The following EXOC1 variants were observed in gnomAD, a reference collection of about 807,000 sequenced individuals.
EXOC1 encodes SEC3-like 1.
Under a neutral mutation model 107.7 loss-of-function variants are expected in EXOC1, and 67 were observed. The observed-to-expected ratio is 0.62, with a 90% CI of 0.51 to 0.76. The LOEUF is 0.76. Among genes scored for constraint, EXOC1 ranks in the 30% least tolerant of loss-of-function variants. EXOC1 has a pLI of 0.00. For missense variants in EXOC1, 833 were observed against 1,055.7 expected, an observed-to-expected ratio of 0.79 and a Z score of 2.92; for synonymous variants, 348 against 353.5, an observed-to-expected ratio of 0.98 and a Z score of 0.17.
intron 10 of EXOC1, among the ~76,000 whole-genome samples, chr4:55,885,934 A>G (rs1288536329): frequency 6.6e-6 from 1 of 152,180 alleles, no homozygotes; most frequent in South Asian, 2.1e-4. Flanking sequence ...AATTTTTCAT[A>G]CTGTAGACTG....
intron 10 of EXOC1, among the ~76,000 whole-genome samples, chr4:55,885,866 A>G (rs1723824484): frequency 2.0e-5 from 3 of 152,186 alleles, no homozygotes; most frequent in Admixed American, 2.0e-4. Flanking sequence ...TCTAAATAAG[A>G]TATAGTGTAC....
At chr4:55,904,317 C>A in intron 18 of EXOC1, 26 bp from the exon 19 acceptor site, 1 of 1,565,530 alleles carries the variant, frequency 6.4e-7, no homozygotes, top group Non-Finnish European at 8.6e-7. Flanking sequence ...CATTCATAGC[C>A]TAATGACTTT....
At chr4:55,888,801 T>G (rs1284265841) in intron 10 of EXOC1, 87 bp from the exon 11 acceptor site, 4 of 1,377,060 alleles carry the variant, frequency 2.9e-6, no homozygotes, top group Non-Finnish European at 4.1e-6. Flanking sequence ...AAACTAGAGC[T>G]TTAACTTCCT....
At position 55,871,314 on chromosome 4, in the gene EXOC1, A is replaced by T. The variant is rs528313596; in HGVS notation, c.964+81A>T. 3 of 1,495,318 alleles carry T rather than the reference A, an allele frequency of 2.0e-6. No individual in the cohort carries two copies. The East Asian group carries it at 6.9e-5, about 35-fold the overall frequency. 92.6% of individuals were successfully genotyped at this position (1,495,318 alleles called of 1,614,324 possible). ...ACTTGTTATAAAGGTTTTGACAAGA[A>T]ATACATGAGACAAGTGGTTTAAGGG... On this transcript the variant is annotated intron_variant, in intron 7 of 18. Transcript: ENST00000381295.
At chr4:55,894,161 C>A (rs1305261129) in intron 15 of EXOC1, among the ~76,000 whole-genome samples, 1 of 152,046 alleles carries the variant, frequency 6.6e-6, no homozygotes, top group Non-Finnish European at 1.5e-5. Context: ...CCCATCTCTA[C>A]CAAAAATACA....
rs757648831 is a variant in EXOC1 at position 55,896,889 on chromosome 4, T to TG, written c.2126_2127insG (p.Phe710IlefsTer3). 2 of 1,589,204 alleles carry TG rather than the reference T, an allele frequency of 1.3e-6. No individual in the cohort carries two copies. Among genetic ancestry groups the TG allele is most frequent in the Non-Finnish European group, 1.7e-6 (2 of 1,172,818 alleles). On this transcript the variant is annotated frameshift_variant, in exon 16 of 19. Coordinates refer to ENST00000381295, the MANE Select transcript of EXOC1 (RefSeq NM_001024924.2). LOFTEE classifies it high-confidence loss of function. ...GCATACACCAAACTTATCAGAGGAG[T>TG]ATTTGTTAATGGTAAGCTTTTGTTA...
rs1721767647 is a variant in EXOC1, at chr4:55,864,398, T to TA, written c.415+17dup. 5.0e-6 allele frequency: 8 copies of TA among 1,585,658 alleles called. No homozygotes were observed. The highest frequency in any genetic ancestry group is 6.9e-6 in the Non-Finnish European group (8 of 1,165,016). On this transcript the variant is annotated intron_variant, in intron 4 of 18. Transcript: ENST00000381295. ...ACAGCTTTTGGAAGGTAAAGTTAAA[T>TA]AAAAATGTATATGTAAAATCAATTA...
intron 5 of EXOC1, among the ~76,000 whole-genome samples, chr4:55,870,393 A>C (rs1475123510): frequency 6.6e-6 from 1 of 152,232 alleles, no homozygotes; most frequent in African/African-American, 2.4e-5. Context: ...TTACTTGTGC[A>C]TTCTGGAACC....
Position 55,870,777 on chromosome 4 carries a change from C to T in EXOC1, c.703C>T (p.Leu235=), listed in dbSNP as rs752186950. ...GGAGGTAGATCAGATTGAATTGAAACTGAGCAGTTATGAGGAAATGCTCCA... is the reference window on the plus strand; with the variant it reads ...GGAGGTAGATCAGATTGAATTGAAATTGAGCAGTTATGAGGAAATGCTCCA... ...LKEVDQIELK[L]SSYEEMLQSV... Residue 235 remains leucine, a synonymous_variant, in exon 6 of 19, where the codon CTG becomes TTG. Coordinates refer to ENST00000381295, the MANE Select transcript of EXOC1 (RefSeq NM_001024924.2). 6.2e-7 allele frequency: 1 copy of T among 1,613,710 alleles called. No individual in the cohort carries two copies. The highest frequency in any genetic ancestry group is 1.3e-5 in the African/African-American group (1 of 74,878).
At chr4:55,862,043 G>A (rs143284662) in intron 3 of EXOC1, among the ~76,000 whole-genome samples, 1,696 of 151,422 alleles carry the variant, frequency 0.011, 15 homozygotes, top group Middle Eastern at 0.02. Flanking sequence ...AACAGAGTGA[G>A]ACTCTGTCTC....
intron 9 of EXOC1, among the ~76,000 whole-genome samples, chr4:55,879,848 T>C (rs1437729731): frequency 5.9e-5 from 9 of 152,326 alleles, no homozygotes; most frequent in South Asian, 4.1e-4. Context: ...TTTTTGTGAA[T>C]ATGAAGTTTA....
intron 3 of EXOC1, among the ~76,000 whole-genome samples, chr4:55,863,115 G>A (rs1721629523): frequency 6.6e-6 from 1 of 152,062 alleles, no homozygotes; most frequent in African/African-American, 2.4e-5. Flanking sequence ...GCCCAGGCCA[G>A]TCTCAAATTC....
intron 10 of EXOC1, 140 bp from the exon 11 acceptor site, chr4:55,888,748 C>T (rs1378786551): frequency 7.7e-6 from 6 of 775,500 alleles, no homozygotes; most frequent in Non-Finnish European, 1.3e-5. Context: ...TGTGTTTGCA[C>T]TTCTTGTTAC....
chr4:55,870,111 C>T (rs1023517150), intron 5 of EXOC1, among the ~76,000 whole-genome samples: 6 of 152,088 alleles, frequency 3.9e-5, no homozygotes, highest in Non-Finnish European at 8.8e-5. Flanking sequence ...AAGGAGCTAT[C>T]GGCCGTATGC....
intron 8 of EXOC1, 48 bp downstream of exon 8, chr4:55,872,006 A>T: frequency 6.6e-7 from 1 of 1,511,530 alleles, no homozygotes; most frequent in Non-Finnish European, 9.1e-7. Flanking sequence ...TAGCTTATTT[A>T]TGTATTAACC....
At chr4:55,876,612 C>T in intron 8 of EXOC1, 1 of 985,264 alleles carries the variant, frequency 1.0e-6, no homozygotes, top group Non-Finnish European at 1.2e-6. Flanking sequence ...TGTATAACAT[C>T]TGTGGTAGCT....
intron 10 of EXOC1, among the ~76,000 whole-genome samples, chr4:55,884,752 A>C (rs1439589566): frequency 6.6e-6 from 1 of 152,176 alleles, no homozygotes; most frequent in African/African-American, 2.4e-5. Flanking sequence ...TGAGTTTAGC[A>C]TTTGCCTGTT....
At chr4:55,857,835 A>G (rs1459150810) in intron 1 of EXOC1, among the ~76,000 whole-genome samples, 1 of 152,106 alleles carries the variant, frequency 6.6e-6, no homozygotes, top group Non-Finnish European at 1.5e-5. Context: ...AACCACCCTC[A>G]TGGGTGTAAA....
At chr4:55,893,206 A>T (rs1724786823) in intron 14 of EXOC1, among the ~76,000 whole-genome samples, 1 of 151,844 alleles carries the variant, frequency 6.6e-6, no homozygotes, top group Non-Finnish European at 1.5e-5. Flanking sequence ...ACTGCACTTC[A>T]CCTCCCGGGT....
Sources: allele counts gnomAD v4.1 joint callset (sites outside exome capture counted in the v4.1 genomes callset), GRCh38; gene constraint gnomAD v4.1.1; transcripts MANE v1.5; gene names NCBI Gene and HGNC (gene_info 2026-07-23, HGNC 2026-07-21).